The following SEMA5A variants were observed in gnomAD, a reference collection of about 807,000 sequenced individuals.
The protein encoded by SEMA5A is semaphorin 5A.
SEMA5A carries 55 observed loss-of-function variants against 135.5 expected under a neutral mutation model. The ratio of observed to expected loss-of-function variants is 0.41; its 90% CI spans 0.33 to 0.51. The LOEUF is 0.51. SEMA5A is among the 20% of genes least tolerant of loss of function. SEMA5A has a pLI of 0.37. For missense variants in SEMA5A, 1,290 were observed against 1,419.9 expected (o/e 0.91, Z 1.47); for synonymous variants, 580 against 546.5 (o/e 1.06, Z -0.85).
At chr5:9,501,420 T>C (rs567968065) in intron 1 of SEMA5A, among the ~76,000 whole-genome samples, 1 of 152,324 alleles carries the variant, frequency 6.6e-6, no homozygotes, top group African/African-American at 2.4e-5. Context: ...TGAAATACTG[T>C]ATTAAGTATA....
intron 11 of SEMA5A, among the ~76,000 whole-genome samples, chr5:9,160,692 A>G (rs1464770366): frequency 1.3e-5 from 2 of 152,206 alleles, no homozygotes; most frequent in Non-Finnish European, 2.9e-5. Context: ...GAAGACCAGG[A>G]GTAAACCTGA....
chr5:9,412,092 T>C (rs1226834069), intron 2 of SEMA5A, among the ~76,000 whole-genome samples: 2 of 152,198 alleles, frequency 1.3e-5, no homozygotes, highest in Admixed American at 6.5e-5. Flanking sequence ...ATATTGTGAC[T>C]GTCAGGACTA....
chr5:9,082,486 G>T (rs1449644747), intron 16 of SEMA5A, among the ~76,000 whole-genome samples: 1 of 152,132 alleles, frequency 6.6e-6, no homozygotes, highest in African/African-American at 2.4e-5. Context: ...AGTCTAAACT[G>T]TGATGCTCTC....
rs1463034967 is a variant in SEMA5A, at chr5:9,273,445, C to T, written c.271-35555G>A. ...ATATTATCTAGGAGAACTTCCCCAA[C>T]CTAGCAAGGCAGGCCAACATTCAAA... On this transcript the variant is annotated intron_variant, in intron 5 of 22. Coordinates refer to ENST00000382496, the MANE Select transcript of SEMA5A (RefSeq NM_003966.3). 2.6e-5 allele frequency among the ~76,000 whole-genome samples: 4 copies of T among 152,064 alleles called. No homozygotes were observed. In the East Asian group the frequency reaches 7.7e-4, roughly 29 times the overall value.
chr5:9,053,980 C>T (rs1005798969), intron 19 of SEMA5A, 107 bp downstream of exon 19: 1 of 1,320,860 alleles, frequency 7.6e-7, no homozygotes, highest in East Asian at 2.4e-5. Context: ...TTGCCCACCC[C>T]CCTTTCAGTA....
intron 5 of SEMA5A, among the ~76,000 whole-genome samples, chr5:9,256,536 A>C (rs1204756864): frequency 6.6e-6 from 1 of 152,212 alleles, no homozygotes; most frequent in African/African-American, 2.4e-5. Flanking sequence ...TATCTACAAG[A>C]ACTTCATAAA....
At chr5:9,397,709 A>G (rs1756467021) in intron 2 of SEMA5A, among the ~76,000 whole-genome samples, 1 of 152,232 alleles carries the variant, frequency 6.6e-6, no homozygotes, top group Non-Finnish European at 1.5e-5. Flanking sequence ...TGCTGCAGAC[A>G]AGAATCAAGA....
At chr5:9,210,327 A>G (rs1561024927) in intron 8 of SEMA5A, among the ~76,000 whole-genome samples, 1 of 152,202 alleles carries the variant, frequency 6.6e-6, no homozygotes. Context: ...ATGGAGCAAT[A>G]CAGTGTTTTC....
intron 11 of SEMA5A, among the ~76,000 whole-genome samples, chr5:9,161,871 G>A (rs1203786392): frequency 1.3e-5 from 2 of 152,178 alleles, no homozygotes; most frequent in African/African-American, 4.8e-5. Context: ...TAAGATGATG[G>A]AGGTTCACCA....
chr5:9,204,860 T>C lies in SEMA5A; in HGVS notation c.647-2620A>G, dbSNP rs1485053333. 3.3e-5 allele frequency among the ~76,000 whole-genome samples: 5 copies of C among 152,100 alleles called. No homozygotes were observed. Among genetic ancestry groups the C allele is most frequent in the Non-Finnish European group, 7.4e-5 (5 of 68,022 alleles). ...CGTCAGATCAGTGGCAGCATTAAAT[T>C]CTCATAGGAGCAGGAACCCTACTGT... On this transcript the variant is annotated intron_variant, in intron 8 of 22. Transcript: ENST00000382496. The surrounding 1 kb of genome is among the most constrained non-coding windows in gnomAD (Gnocchi z 6.4).
chr5:9,381,139 A>T (rs1200290971), intron 2 of SEMA5A, among the ~76,000 whole-genome samples: 1 of 152,248 alleles, frequency 6.6e-6, no homozygotes, highest in Non-Finnish European at 1.5e-5. Flanking sequence ...ACCATAGTAC[A>T]TTAATGTTAG....
At chr5:9,462,508 A>G (rs1428366099) in intron 1 of SEMA5A, among the ~76,000 whole-genome samples, 1 of 152,198 alleles carries the variant, frequency 6.6e-6, no homozygotes, top group Non-Finnish European at 1.5e-5. Context: ...TCATTCTACC[A>G]TAAAGACACA....
chr5:9,453,059 C>T lies in SEMA5A; in HGVS notation c.-174-15207G>A, dbSNP rs553915346. 2.0e-5 allele frequency among the ~76,000 whole-genome samples: 3 copies of T among 152,164 alleles called. No individual in the cohort carries two copies. In the South Asian group the frequency reaches 6.2e-4, roughly 32 times the overall value. ...TGCTTCATTATCCTAAGTCTAAACA[C>T]GTACTTTATACCTGTGGGATTAAAA... On this transcript the variant is annotated intron_variant, in intron 1 of 22. Transcript: ENST00000382496.
chr5:9,221,605 C>T (rs973473075), intron 8 of SEMA5A, among the ~76,000 whole-genome samples: 9 of 151,778 alleles, frequency 5.9e-5, no homozygotes, highest in Non-Finnish European at 1.0e-4. Context: ...CCTGGCCCCC[C>T]GAACATTTTT....
At chr5:9,045,189 G>A (rs959126590) in intron 21 of SEMA5A, among the ~76,000 whole-genome samples, 2 of 152,126 alleles carry the variant, frequency 1.3e-5, no homozygotes, top group African/African-American at 4.8e-5. Flanking sequence ...TTATTTAAAG[G>A]TTTGCACAAC....
At chr5:9,190,147 G>T in intron 11 of SEMA5A, 120 bp downstream of exon 11, 1 of 1,019,626 alleles carries the variant, frequency 9.8e-7, no homozygotes, top group Non-Finnish European at 1.4e-6. Flanking sequence ...GGTTTTGCTG[G>T]TTGCAAAAAG....
chr5:9,190,362 G>A lies in SEMA5A; in HGVS notation c.1178C>T (p.Pro393Leu), dbSNP rs1376172569. 2.5e-6 allele frequency: 4 copies of A among 1,613,992 alleles called. No individual in the cohort carries two copies. Among genetic ancestry groups the A allele is most frequent in the South Asian group, 1.1e-5 (1 of 91,072 alleles). ...HEVVQPVTTV[P>L]SFMEDNSRFS... The stretch of plus-strand genomic sequence containing the variant: ...GCGGCTATTGTCCTCCATGAAGGAG[G>A]GCACTGTGGTCACTGGCTGTACCAC... The change falls in exon 11 of 23, where the codon CCC becomes CTC. Residue 393 changes from proline to leucine, a missense_variant. Coordinates refer to ENST00000382496, the MANE Select transcript of SEMA5A (RefSeq NM_003966.3).
Position 9,062,241 on chromosome 5 carries a change from C to T in SEMA5A, c.2518+646G>A, listed in dbSNP as rs562833061. ...CCCCTGCAGACAAATGTGCCCAGGG[C>T]CCAGGGAGGTCCCACTGTGGCCCGG... On this transcript the variant is annotated intron_variant, in intron 18 of 22. Coordinates refer to ENST00000382496, the MANE Select transcript of SEMA5A (RefSeq NM_003966.3). Among the ~76,000 whole-genome samples, 4 of 152,168 alleles carry T rather than the reference C, an allele frequency of 2.6e-5. No individual in the cohort carries two copies. In the East Asian group the frequency reaches 7.7e-4, roughly 29 times the overall value.
intron 10 of SEMA5A, among the ~76,000 whole-genome samples, chr5:9,191,326 T>C (rs1452238793): frequency 2.0e-5 from 3 of 152,186 alleles, no homozygotes; most frequent in Non-Finnish European, 4.4e-5. Context: ...GCAGATGTTA[T>C]ATAAGACTGT....
Sources: allele counts gnomAD v4.1 joint callset (sites outside exome capture counted in the v4.1 genomes callset), GRCh38; gene constraint gnomAD v4.1.1; non-coding constraint Gnocchi (gnomAD v3.1); transcripts MANE v1.5; gene names NCBI Gene and HGNC (gene_info 2026-07-23, HGNC 2026-07-21).